The following CRTC1 variants were observed in gnomAD, a reference collection of about 807,000 sequenced individuals.
CRTC1 encodes the protein CREB regulated transcription coactivator 1.
CRTC1 carries 18 observed loss-of-function variants against 66.1 expected under a neutral mutation model. That is an observed-to-expected ratio of 0.27 (90% CI 0.19 to 0.40). The LOEUF (loss-of-function observed/expected upper bound fraction) is 0.40, where lower values mean the gene tolerates loss of function less well. CRTC1 is among the 10% of genes least tolerant of loss of function. CRTC1 has a pLI of 1.00. For synonymous variants in CRTC1, 416 were observed against 398.8 expected, an observed-to-expected ratio of 1.04 and a Z score of -0.51; for missense variants, 669 against 887.9, an observed-to-expected ratio of 0.75 and a Z score of 3.13.
intron 1 of CRTC1, among the ~76,000 whole-genome samples, chr19:18,724,163 G>A (rs1345394808): frequency 1.3e-5 from 2 of 152,154 alleles, no homozygotes; most frequent in Non-Finnish European, 1.5e-5. Flanking sequence ...GCATCGACAC[G>A]GCTCCCTCGT....
At chr19:18,707,166 T>C (rs983595551) in intron 1 of CRTC1, among the ~76,000 whole-genome samples, 1 of 152,206 alleles carries the variant, frequency 6.6e-6, no homozygotes, top group Non-Finnish European at 1.5e-5. Context: ...TTTATAGTTT[T>C]AGTATATATA....
chr19:18,755,697 G>C (rs1263681730), intron 6 of CRTC1, among the ~76,000 whole-genome samples: 1 of 148,582 alleles, frequency 6.7e-6, no homozygotes, highest in Admixed American at 6.8e-5. Context: ...CCGTCCCCCA[G>C]GTTCAAGTGA....
intron 1 of CRTC1, among the ~76,000 whole-genome samples, chr19:18,693,154 G>A (rs2052890846): frequency 6.6e-6 from 1 of 151,776 alleles, no homozygotes; most frequent in South Asian, 2.1e-4. Context: ...ATTTTGGGAG[G>A]CCGAGGTGGG....
chr19:18,758,335 G>A (rs1288932825), intron 6 of CRTC1, among the ~76,000 whole-genome samples: 1 of 150,064 alleles, frequency 6.7e-6, no homozygotes, highest in Non-Finnish European at 1.5e-5. Flanking sequence ...ACTCCAGCCT[G>A]AGAGACAGAG....
At position 18,779,577 on chromosome 19, in the gene CRTC1, G is replaced by A. The variant is rs1001325470; in HGVS notation, c.*2195G>A. The A allele has an allele frequency of 4.5e-6, 1 of 219,800 alleles. No individual in the cohort carries two copies. Among genetic ancestry groups the A allele is most frequent in the Non-Finnish European group, 9.1e-6 (1 of 109,746 alleles). The allele number at this position is 219,800 out of a possible 1,614,324, so 13.6% of individuals were successfully genotyped here. A position where few individuals can be genotyped will look rare whatever the true frequency, so the allele number is the denominator to read the frequency against. ...AATTACAAGCAACCCGCCTGGATGC[G>A]GTTTTCAAAAGAAGGCATTGAGGAC... is the stretch of plus-strand genomic sequence containing the variant. On this transcript the variant is annotated 3_prime_UTR_variant, in exon 14 of 14. Transcript: ENST00000321949.
At chr19:18,683,852 C>A in intron 1 of CRTC1, 24 bp downstream of exon 1, 4 of 1,168,320 alleles carry the variant, frequency 3.4e-6, no homozygotes, top group Non-Finnish European at 4.4e-6. Context: ...CCGCGCCGAC[C>A]CTTCAGGGCC....
chr19:18,742,215 C>T (rs1240631118), intron 1 of CRTC1, among the ~76,000 whole-genome samples: 1 of 152,154 alleles, frequency 6.6e-6, no homozygotes, highest in African/African-American at 2.4e-5. Flanking sequence ...CGTGACCCAT[C>T]AGGGAGCTCC....
At chr19:18,684,758 C>G (rs746238499) in intron 1 of CRTC1, among the ~76,000 whole-genome samples, 22 of 152,148 alleles carry the variant, frequency 1.4e-4, no homozygotes, top group Non-Finnish European at 2.5e-4. Context: ...CAGGTTCTGC[C>G]AGGCTCCTGT....
intron 2 of CRTC1, chr19:18,743,968 T>A: frequency 1.3e-6 from 1 of 764,540 alleles, no homozygotes; most frequent in African/African-American, 1.7e-5. Flanking sequence ...AAGCTCAGCC[T>A]GAGTGGGGCT....
At chr19:18,687,079 A>C (rs988931374) in intron 1 of CRTC1, among the ~76,000 whole-genome samples, 1 of 141,604 alleles carries the variant, frequency 7.1e-6, no homozygotes, top group Admixed American at 7.6e-5. Context: ...GCAGTGGCGC[A>C]ATCTCGGCTC....
chr19:18,752,345 G>A (rs1300759387), intron 5 of CRTC1, among the ~76,000 whole-genome samples: 1 of 151,994 alleles, frequency 6.6e-6, no homozygotes, highest in Non-Finnish European at 1.5e-5. Context: ...TAGAGACAGG[G>A]TCTTGCTCTG....
intron 6 of CRTC1, among the ~76,000 whole-genome samples, chr19:18,758,168 T>C (rs555733180): frequency 6.6e-6 from 1 of 151,250 alleles, no homozygotes; most frequent in Non-Finnish European, 1.5e-5. Flanking sequence ...GAGACCCTCC[T>C]GGCTAACACG....
At chr19:18,744,477 T>C (rs572867531) in intron 2 of CRTC1, among the ~76,000 whole-genome samples, 3 of 148,294 alleles carry the variant, frequency 2.0e-5, no homozygotes, top group South Asian at 2.1e-4. Context: ...CGTCCCTATA[T>C]ACACACACAC....
intron 11 of CRTC1, 108 bp from the exon 12 acceptor site, chr19:18,774,792 C>T (rs927427295): frequency 1.7e-5 from 17 of 980,184 alleles, no homozygotes; most frequent in East Asian, 2.4e-5. Context: ...AGCCTCCTGC[C>T]GTCTGGGAGG....
chr19:18,736,500 G>C (rs1394657784), intron 1 of CRTC1, among the ~76,000 whole-genome samples: 1 of 151,964 alleles, frequency 6.6e-6, no homozygotes, highest in Admixed American at 6.5e-5. Context: ...TCCCCATCTG[G>C]ACTGTCAGGG....
rs2055098089 is a variant in CRTC1, at chr19:18,781,294, G to A, written c.*3912G>A. 2 of 228,806 alleles carry A rather than the reference G, an allele frequency of 8.7e-6. No homozygotes were observed. Among genetic ancestry groups the A allele is most frequent in the Admixed American group, 1.1e-4 (2 of 17,616 alleles). The allele number at this position is 228,806 out of a possible 1,614,324, so 14.2% of individuals were successfully genotyped here. On this transcript the variant is annotated 3_prime_UTR_variant, in exon 14 of 14. Coordinates refer to ENST00000321949, the MANE Select transcript of CRTC1 (RefSeq NM_015321.3). ...AGACTCGGCCCCTCACTCACCCTGG[G>A]AGGCCTGCCTGGGCTACATGGACAC... is the stretch of plus-strand genomic sequence containing the variant.
intron 1 of CRTC1, among the ~76,000 whole-genome samples, chr19:18,733,293 T>C (rs768001813): frequency 6.6e-6 from 1 of 152,048 alleles, no homozygotes; most frequent in Non-Finnish European, 1.5e-5. Context: ...TGGAGTCTCT[T>C]TTGTGGGGAG....
At position 18,752,834 on chromosome 19, in the gene CRTC1, C is replaced by T. The variant is rs1173716503; in HGVS notation, c.539-666C>T. Among the ~76,000 whole-genome samples, 8 of 151,462 alleles carry T rather than the reference C, an allele frequency of 5.3e-5. No individual in the cohort carries two copies. In the South Asian group the frequency reaches 1.3e-3, roughly 24 times the overall value. Reference sequence around the variant, plus strand: ...TGTATTTTTAGTAGAGACAGGATTTCGCCACGTTGGCCAGGCTGGTCTCAA... The same window carrying T: ...TGTATTTTTAGTAGAGACAGGATTTTGCCACGTTGGCCAGGCTGGTCTCAA... On this transcript the variant is annotated intron_variant, in intron 5 of 13. Transcript: ENST00000321949.
rs2055039476 is a variant in CRTC1, at chr19:18,778,282, C to G, written c.*900C>G. 1.3e-5 allele frequency: 3 copies of G among 232,970 alleles called. No individual in the cohort carries two copies. The highest frequency in any genetic ancestry group is 6.6e-5 in the African/African-American group (3 of 45,292). The allele number at this position is 232,970 out of a possible 1,614,324, so 14.4% of individuals were successfully genotyped here. On this transcript the variant is annotated 3_prime_UTR_variant, in exon 14 of 14. Coordinates refer to ENST00000321949, the MANE Select transcript of CRTC1 (RefSeq NM_015321.3). ...CAGGCAGAGGTGGCCAGGGGAGTTTCATTGTGGTTTTTTTTTCCTTTTAGT... is the reference window on the plus strand; with the variant it reads ...CAGGCAGAGGTGGCCAGGGGAGTTTGATTGTGGTTTTTTTTTCCTTTTAGT...
Sources: allele counts gnomAD v4.1 joint callset (sites outside exome capture counted in the v4.1 genomes callset), GRCh38; gene constraint gnomAD v4.1.1; transcripts MANE v1.5; gene names NCBI Gene and HGNC (gene_info 2026-07-23, HGNC 2026-07-21).